Variants in PIERCE2 observed in about 807,000 individuals in gnomAD.
PIERCE2 encodes the protein piercer of microtubule wall 2.
the PIERCE2 span, chr15:55,408,590 C>G: frequency 2.4e-6 from 1 of 409,196 alleles, no homozygotes; most frequent in Non-Finnish European, 4.3e-6. Context: ...CCCGGGAAAA[C>G]AGCTCCCCGG....
chr15:55,409,680 T>A, the PIERCE2 span, among the ~76,000 whole-genome samples: 275 of 152,336 alleles, frequency 1.8e-3, 1 homozygote, highest in African/African-American at 6.3e-3. Flanking sequence ...TTACAGCTTC[T>A]GCGATGGGCA....
At chr15:55,413,035 A>G in the PIERCE2 span, among the ~76,000 whole-genome samples, 7 of 152,182 alleles carry the variant, frequency 4.6e-5, no homozygotes, top group East Asian at 1.2e-3. Context: ...TTGGGAGGCC[A>G]AGGCGGGCGG....
the PIERCE2 span, among the ~76,000 whole-genome samples, chr15:55,410,015 T>A: frequency 6.9e-6 from 1 of 145,294 alleles, no homozygotes; most frequent in South Asian, 2.3e-4. Context: ...TTAACTATAG[T>A]CAGTTTGAAC....
the PIERCE2 span, chr15:55,408,893 C>T: frequency 2.4e-5 from 17 of 713,920 alleles, no homozygotes; most frequent in African/African-American, 2.9e-4. Flanking sequence ...CCGAAAAGCA[C>T]TTTACAAGGC....
chr15:55,412,709 G>C, the PIERCE2 span, among the ~76,000 whole-genome samples: 1 of 152,116 alleles, frequency 6.6e-6, no homozygotes, highest in African/African-American at 2.4e-5. Flanking sequence ...CCAGGTTGCA[G>C]TGCACTATTA....
chr15:55,414,209 G>GT, the PIERCE2 span, among the ~76,000 whole-genome samples: 287 of 134,434 alleles, frequency 2.1e-3, no homozygotes, highest in African/African-American at 7.2e-3. Flanking sequence ...GTTTTTTTTT[G>GT]TTTTTTTTTT....
the PIERCE2 span, chr15:55,418,440 A>G: frequency 2.6e-6 from 4 of 1,523,146 alleles, no homozygotes; most frequent in African/African-American, 2.8e-5. Flanking sequence ...TTCCCCTGCA[A>G]TTATACTCCA....
chr15:55,410,307 C>A, the PIERCE2 span, among the ~76,000 whole-genome samples: 1 of 152,114 alleles, frequency 6.6e-6, no homozygotes, highest in South Asian at 2.1e-4. Context: ...GAACGAAATT[C>A]TAGAACCAGT....
the PIERCE2 span, among the ~76,000 whole-genome samples, chr15:55,408,946 CT>C: frequency 6.6e-6 from 1 of 152,078 alleles, no homozygotes; most frequent in South Asian, 2.1e-4. Flanking sequence ...TGCACGTTTC[CT>C]TAAGTCCGAA....
At chr15:55,409,309 A>G in the PIERCE2 span, among the ~76,000 whole-genome samples, 149,541 of 152,174 alleles carry the variant, frequency 0.98, 73,524 homozygotes, top group East Asian at 1. Context: ...GGAGGCTGAG[A>G]CAGCAGAATT....
chr15:55,413,032 G>A, the PIERCE2 span, among the ~76,000 whole-genome samples: 2 of 152,104 alleles, frequency 1.3e-5, no homozygotes, highest in Admixed American at 1.3e-4. Flanking sequence ...ACTTTGGGAG[G>A]CCAAGGCGGG....
the PIERCE2 span, chr15:55,418,355 C>G: frequency 6.5e-7 from 1 of 1,538,630 alleles, no homozygotes; most frequent in Non-Finnish European, 8.8e-7. Context: ...AGCCACCTCA[C>G]TATCAAAACC....
At chr15:55,415,614 A>G in the PIERCE2 span, among the ~76,000 whole-genome samples, 10 of 152,132 alleles carry the variant, frequency 6.6e-5, no homozygotes, top group Non-Finnish European at 8.8e-5. Flanking sequence ...GTCCTGATCG[A>G]TTGAGCAAGC....
At chr15:55,410,117 A>G in the PIERCE2 span, among the ~76,000 whole-genome samples, 149,180 of 152,086 alleles carry the variant, frequency 0.98, 73,227 homozygotes, top group East Asian at 1. Flanking sequence ...AAAGCAATGG[A>G]CCTTTTGTTT....
the PIERCE2 span, chr15:55,418,711 AACT>A: frequency 1.6e-6 from 1 of 618,262 alleles, no homozygotes; most frequent in East Asian, 2.9e-5. Flanking sequence ...TTCAACTGAT[AACT>A]ACATGACAGT....
chr15:55,411,090 C>T, the PIERCE2 span: 1 of 152,130 alleles, frequency 6.6e-6, no homozygotes, highest in Admixed American at 6.6e-5. Context: ...CCATATTATG[C>T]TAATACAAGG....
At chr15:55,414,022 C>G in the PIERCE2 span, among the ~76,000 whole-genome samples, 3 of 151,310 alleles carry the variant, frequency 2.0e-5, no homozygotes, top group Non-Finnish European at 2.9e-5. Context: ...CTCAGCCTCC[C>G]GAGTAGCTGG....
chr15:55,415,213 AT>A, the PIERCE2 span, among the ~76,000 whole-genome samples: 1 of 152,152 alleles, frequency 6.6e-6, no homozygotes, highest in Non-Finnish European at 1.5e-5. Context: ...CACGCCTGTA[AT>A]CCCGGCACTT....
the PIERCE2 span, among the ~76,000 whole-genome samples, chr15:55,411,335 G>C: frequency 1.3e-5 from 2 of 151,400 alleles, no homozygotes; most frequent in East Asian, 3.9e-4. Flanking sequence ...GTGTTGGCAG[G>C]CACCTGTAGT....
Sources: allele counts gnomAD v4.1 joint callset (sites outside exome capture counted in the v4.1 genomes callset), GRCh38; gene constraint gnomAD v4.1.1; transcripts MANE v1.5; gene names NCBI Gene and HGNC (gene_info 2026-07-23, HGNC 2026-07-21).